Variants in SYT1 observed in about 807,000 individuals in gnomAD.
The protein encoded by SYT1 is synaptotagmin-1.
SYT1 carries 8 observed loss-of-function variants against 44.8 expected under a neutral mutation model. That is an observed-to-expected ratio of 0.18 (90% confidence interval 0.10 to 0.32). The LOEUF (loss-of-function observed/expected upper bound fraction) is 0.32, where lower values mean the gene tolerates loss of function less well. Among genes scored for constraint, SYT1 ranks in the 10% least tolerant of loss-of-function variants. The pLI is 1.00. For missense variants in SYT1, 286 were observed against 509.3 expected (o/e 0.56, Z 4.22); for synonymous variants, 154 against 188.8 (o/e 0.82, Z 1.51).
At chr12:78,880,654 G>GA (rs1392955021) in intron 1 of SYT1, among the ~76,000 whole-genome samples, 2 of 151,112 alleles carry the variant, frequency 1.3e-5, no homozygotes, top group Admixed American at 1.3e-4. Context: ...CTCATCCAAT[G>GA]AAAAAAATAT....
intron 3 of SYT1, among the ~76,000 whole-genome samples, chr12:79,148,896 G>T (rs949657796): frequency 6.6e-6 from 1 of 151,986 alleles, no homozygotes; most frequent in African/African-American, 2.4e-5. Context: ...GAGGATTTTT[G>T]ACCTTTATTG....
intron 9 of SYT1, among the ~76,000 whole-genome samples, chr12:79,386,288 T>C (rs1884430404): frequency 7.1e-6 from 1 of 141,424 alleles, no homozygotes; most frequent in Admixed American, 7.7e-5. Context: ...ATTACCAGGG[T>C]TTTCCCCAAA....
At chr12:79,151,574 G>T (rs536283000) in intron 3 of SYT1, among the ~76,000 whole-genome samples, 1 of 152,234 alleles carries the variant, frequency 6.6e-6, no homozygotes, top group African/African-American at 2.4e-5. Flanking sequence ...GATGACAAAA[G>T]GTTGGACTGG....
intron 5 of SYT1, among the ~76,000 whole-genome samples, chr12:79,286,307 A>G (rs927972430): frequency 6.6e-6 from 1 of 152,200 alleles, no homozygotes; most frequent in African/African-American, 2.4e-5. Context: ...ATCAGATAAA[A>G]AGTGCCTGAG....
intron 1 of SYT1, among the ~76,000 whole-genome samples, chr12:78,937,824 G>C (rs1309900833): frequency 6.6e-6 from 1 of 152,154 alleles, no homozygotes; most frequent in Non-Finnish European, 1.5e-5. Context: ...ATGTCAGTAA[G>C]AAAAGCTAAC....
At chr12:79,015,786 C>T (rs935710814) in intron 2 of SYT1, among the ~76,000 whole-genome samples, 24 of 152,104 alleles carry the variant, frequency 1.6e-4, no homozygotes, top group Admixed American at 1.3e-3. Context: ...TATCAATAAA[C>T]TTCCATGTAC....
chr12:79,085,510 A>G (rs2137972845), intron 3 of SYT1, among the ~76,000 whole-genome samples: 1 of 152,234 alleles, frequency 6.6e-6, no homozygotes, highest in South Asian at 2.1e-4. Flanking sequence ...TCCAGTGCTC[A>G]CAGTGGAGGC....
chr12:79,435,264 G>A (rs1043026115), intron 9 of SYT1, among the ~76,000 whole-genome samples: 2 of 152,150 alleles, frequency 1.3e-5, no homozygotes, highest in Non-Finnish European at 1.5e-5. Flanking sequence ...CCAAACTGCT[G>A]TAACAAAGAG....
At chr12:78,989,498 G>A (rs1869876910) in intron 2 of SYT1, among the ~76,000 whole-genome samples, 2 of 152,164 alleles carry the variant, frequency 1.3e-5, no homozygotes, top group East Asian at 1.9e-4. Flanking sequence ...CCCAGACTTT[G>A]TGCAGCATCT....
At chr12:79,134,985 C>CCACACACACACACACA (rs201834566) in intron 3 of SYT1, among the ~76,000 whole-genome samples, 3 of 147,886 alleles carry the variant, frequency 2.0e-5, no homozygotes, top group African/African-American at 7.4e-5. Context: ...AATGTTCTCA[C>CCACACACACACACACA]CACACACACA....
chr12:79,015,479 ATAT>A (rs1871747327), intron 2 of SYT1, among the ~76,000 whole-genome samples: 1 of 152,142 alleles, frequency 6.6e-6, no homozygotes, highest in Non-Finnish European at 1.5e-5. Context: ...TATCTGATTC[ATAT>A]TGTTGATGTC....
chr12:79,193,149 A>G (rs1873230882), intron 3 of SYT1, among the ~76,000 whole-genome samples: 2 of 152,218 alleles, frequency 1.3e-5, no homozygotes, highest in African/African-American at 4.8e-5. Flanking sequence ...CAATTTTTTA[A>G]ACATTTTCTT....
intron 1 of SYT1, among the ~76,000 whole-genome samples, chr12:78,938,488 C>G (rs1878182799): frequency 6.6e-6 from 1 of 152,118 alleles, no homozygotes. Context: ...CCTGTTTTAT[C>G]CTTTGGCTTC....
intron 3 of SYT1, among the ~76,000 whole-genome samples, chr12:79,212,000 A>T (rs1393362832): frequency 1.3e-5 from 2 of 152,124 alleles, no homozygotes; most frequent in Admixed American, 6.5e-5. Context: ...GTGAAGTTAA[A>T]TTTTTTAAGA....
chr12:79,306,972 T>C (rs1288340665), intron 8 of SYT1, among the ~76,000 whole-genome samples: 1 of 152,248 alleles, frequency 6.6e-6, no homozygotes, highest in African/African-American at 2.4e-5. Flanking sequence ...TTGTTCTGTC[T>C]TCCACAGATT....
intron 3 of SYT1, among the ~76,000 whole-genome samples, chr12:79,153,828 A>G (rs1217350005): frequency 6.6e-6 from 1 of 152,120 alleles, no homozygotes; most frequent in Non-Finnish European, 1.5e-5. Context: ...TCAATTAGAC[A>G]TTTGAGGTTC....
intron 9 of SYT1, among the ~76,000 whole-genome samples, chr12:79,354,515 A>G (rs1186063146): frequency 6.6e-6 from 1 of 152,192 alleles, no homozygotes; most frequent in Non-Finnish European, 1.5e-5. Context: ...ATTCTAAAGC[A>G]TAACAGCTAA....
At chr12:79,157,841 C>A (rs1870695665) in intron 3 of SYT1, among the ~76,000 whole-genome samples, 1 of 152,032 alleles carries the variant, frequency 6.6e-6, no homozygotes, top group East Asian at 1.9e-4. Flanking sequence ...TATTATTATC[C>A]CCCATTTTAC....
chr12:79,446,034 T>TATATACATATA (rs1491131045), intron 10 of SYT1, among the ~76,000 whole-genome samples: 1 of 115,542 alleles, frequency 8.7e-6, no homozygotes, highest in African/African-American at 3.4e-5. Flanking sequence ...TATATATATA[T>TATATACATATA]TATGCCTAGG....
Sources: allele counts gnomAD v4.1 joint callset (sites outside exome capture counted in the v4.1 genomes callset), GRCh38; gene constraint gnomAD v4.1.1; transcripts MANE v1.5; gene names NCBI Gene and HGNC (gene_info 2026-07-23, HGNC 2026-07-21).